The following BBS9 variants were observed in gnomAD, a reference collection of about 807,000 sequenced individuals.
BBS9 encodes Bardet-Biedl syndrome 9, also known as protein PTHB1.
In BBS9, 89 loss-of-function variants were observed where a neutral mutation model predicts 117.7. The ratio of observed to expected loss-of-function variants is 0.76; its 90% CI spans 0.64 to 0.90. BBS9 has a LOEUF of 0.90. Among genes scored for constraint, BBS9 ranks in the 40% least tolerant of loss-of-function variants. The pLI, the probability that BBS9 is intolerant of heterozygous loss-of-function variation, is 0.00. For synonymous variants in BBS9, 379 were observed against 370.9 expected (o/e 1.02, Z -0.25); for missense variants, 982 against 1,042.2 (o/e 0.94, Z 0.80).
chr7:33,513,459 T>G (rs1013516453), intron 20 of BBS9, among the ~76,000 whole-genome samples: 3 of 152,350 alleles, frequency 2.0e-5, no homozygotes, highest in African/African-American at 7.2e-5. Context: ...AACATATAGT[T>G]GTATACAAGT....
chr7:33,462,531 T>C (rs1839615398), intron 19 of BBS9, among the ~76,000 whole-genome samples: 1 of 152,184 alleles, frequency 6.6e-6, no homozygotes, highest in East Asian at 1.9e-4. Context: ...AATATTACAG[T>C]AGATTGACTT....
At chr7:33,543,412 G>A (rs1323243127) in intron 21 of BBS9, among the ~76,000 whole-genome samples, 1 of 151,876 alleles carries the variant, frequency 6.6e-6, no homozygotes, top group Middle Eastern at 3.2e-3. Flanking sequence ...TGGGTTGTCT[G>A]TTTACTCTAC....
At chr7:33,457,126 C>G (rs1027407624) in intron 19 of BBS9, among the ~76,000 whole-genome samples, 1 of 152,168 alleles carries the variant, frequency 6.6e-6, no homozygotes, top group African/African-American at 2.4e-5. Context: ...CTTTTGCCCT[C>G]TTCTCTGGCT....
intron 10 of BBS9, among the ~76,000 whole-genome samples, chr7:33,337,502 T>C (rs2128628482): frequency 6.6e-6 from 1 of 152,248 alleles, no homozygotes; most frequent in South Asian, 2.1e-4. Flanking sequence ...GTTACCAACA[T>C]TGTATTCCTC....
At chr7:33,608,588 G>A (rs1585468978), downstream of BBS9, among the ~76,000 whole-genome samples, 2 of 151,994 alleles carry the variant, frequency 1.3e-5, no homozygotes, top group Admixed American at 6.6e-5. Flanking sequence ...TGGTGTGAGA[G>A]GGTGTCTCAT....
At chr7:33,438,805 AAG>A (rs1477412853) in intron 19 of BBS9, among the ~76,000 whole-genome samples, 1 of 152,250 alleles carries the variant, frequency 6.6e-6, no homozygotes. Context: ...CTGAGAAAGA[AAG>A]AACACAGGAT....
At chr7:33,206,615 G>C (rs1039504603) in intron 5 of BBS9, among the ~76,000 whole-genome samples, 1 of 152,004 alleles carries the variant, frequency 6.6e-6, no homozygotes, top group South Asian at 2.1e-4. Context: ...TCCCTGAACA[G>C]TGTGAAAGAA....
At chr7:33,301,664 A>T (rs1806476118) in intron 9 of BBS9, among the ~76,000 whole-genome samples, 1 of 151,928 alleles carries the variant, frequency 6.6e-6, no homozygotes, top group African/African-American at 2.4e-5. Context: ...CATTTTCTTT[A>T]TCCGTTTTTC....
At chr7:33,411,511 T>G (rs1831135887) in intron 19 of BBS9, among the ~76,000 whole-genome samples, 3 of 152,164 alleles carry the variant, frequency 2.0e-5, no homozygotes, top group Non-Finnish European at 4.4e-5. Flanking sequence ...TACATGTAAA[T>G]TTAAACTTAG....
At chr7:33,611,661 ATGAT>A (rs1864876841) in intron 21 of BBS9, among the ~76,000 whole-genome samples, 1 of 134,014 alleles carries the variant, frequency 7.5e-6, no homozygotes, top group African/African-American at 2.9e-5. Flanking sequence ...TATATATTAA[ATGAT>A]TGATATTTAA....
chr7:33,207,188 A>G (rs1787081586), intron 5 of BBS9, among the ~76,000 whole-genome samples: 2 of 152,186 alleles, frequency 1.3e-5, no homozygotes, highest in African/African-American at 4.8e-5. Context: ...CTTGCAACTA[A>G]TAAGGAAATG....
chr7:33,533,806 C>A, intron 20 of BBS9, 148 bp from the exon 21 acceptor site: 1 of 934,648 alleles, frequency 1.1e-6, no homozygotes, highest in African/African-American at 1.6e-5. Flanking sequence ...AATTCCAAAC[C>A]AGCCTAGTCT....
chr7:33,462,684 T>A (rs2128936641), intron 19 of BBS9, among the ~76,000 whole-genome samples: 1 of 152,198 alleles, frequency 6.6e-6, no homozygotes, highest in Admixed American at 6.6e-5. Flanking sequence ...AGGCACATGC[T>A]TATGGAAAAT....
intron 21 of BBS9, among the ~76,000 whole-genome samples, chr7:33,562,867 T>C (rs1856298593): frequency 6.6e-6 from 1 of 152,066 alleles, no homozygotes; most frequent in African/African-American, 2.4e-5. Flanking sequence ...GAAGTCGTAG[T>C]GAGCCGGGAT....
intron 5 of BBS9, among the ~76,000 whole-genome samples, chr7:33,217,827 A>G (rs961807230): frequency 1.3e-5 from 2 of 152,230 alleles, no homozygotes; most frequent in Non-Finnish European, 2.9e-5. Flanking sequence ...CGACCAAGCC[A>G]ACTGGCTGGA....
intron 5 of BBS9, among the ~76,000 whole-genome samples, chr7:33,185,099 T>A (rs1015469150): frequency 2.0e-5 from 3 of 152,196 alleles, no homozygotes; most frequent in Admixed American, 6.5e-5. Flanking sequence ...TTATAATTAG[T>A]GATAATGAGT....
chr7:33,247,503 G>A (rs1022342896), intron 5 of BBS9, among the ~76,000 whole-genome samples: 1 of 151,946 alleles, frequency 6.6e-6, no homozygotes, highest in African/African-American at 2.4e-5. Flanking sequence ...TCCATGTCTC[G>A]ATGCATGGTG....
At chr7:33,157,680 G>T (rs1794293632) in intron 4 of BBS9, 1 of 152,162 alleles carries the variant, frequency 6.6e-6, no homozygotes, top group African/African-American at 2.4e-5. Context: ...GCAGACAAAC[G>T]TGTGAGCTGA....
At chr7:33,389,516 T>C (rs936197946) in intron 19 of BBS9, among the ~76,000 whole-genome samples, 3 of 151,748 alleles carry the variant, frequency 2.0e-5, no homozygotes, top group African/African-American at 7.3e-5. Flanking sequence ...AGTGAAACCC[T>C]GTCTCTACTA....
Sources: allele counts gnomAD v4.1 joint callset (sites outside exome capture counted in the v4.1 genomes callset), GRCh38; gene constraint gnomAD v4.1.1; transcripts MANE v1.5; gene names NCBI Gene and HGNC (gene_info 2026-07-23, HGNC 2026-07-21).